Variants in ATG10 observed in about 807,000 individuals in gnomAD.
ATG10 encodes autophagy related 10, also known as ubiquitin-like-conjugating enzyme ATG10.
A neutral mutation model predicts 32.1 loss-of-function variants in ATG10; 30 were observed. That is an observed-to-expected ratio of 0.94 (90% confidence interval 0.70 to 1.27). The LOEUF (loss-of-function observed/expected upper bound fraction) is 1.27, where lower values mean the gene tolerates loss of function less well. ATG10 is among the 50% of genes most tolerant of loss of function. The pLI is 0.00. For synonymous variants in ATG10, 87 were observed against 91.5 expected (o/e 0.95, Z 0.28); for missense variants, 233 against 262.3 (o/e 0.89, Z 0.77).
At chr5:82,118,046 A>C (rs1461281986) in intron 3 of ATG10, among the ~76,000 whole-genome samples, 1 of 152,038 alleles carries the variant, frequency 6.6e-6, no homozygotes, top group Admixed American at 6.6e-5. Flanking sequence ...GACAATAATG[A>C]TGGAGAACAA....
intron 2 of ATG10, among the ~76,000 whole-genome samples, chr5:82,003,396 G>A (rs1009225714): frequency 3.9e-5 from 6 of 152,130 alleles, no homozygotes; most frequent in Non-Finnish European, 7.3e-5. Context: ...GGGAAGAAGT[G>A]TACAAACTCC....
At chr5:82,012,534 T>G (rs1483538887) in intron 2 of ATG10, among the ~76,000 whole-genome samples, 3 of 152,228 alleles carry the variant, frequency 2.0e-5, no homozygotes, top group Non-Finnish European at 4.4e-5. Flanking sequence ...CAAGTTTGGC[T>G]TAGATCCACT....
intron 5 of ATG10, among the ~76,000 whole-genome samples, chr5:82,201,897 A>T (rs1056861980): frequency 3.3e-5 from 5 of 152,278 alleles, no homozygotes; most frequent in Middle Eastern, 3.4e-3. Flanking sequence ...GGATGCTATT[A>T]TGTTTAATAT....
chr5:82,213,297 C>G (rs190340989), intron 5 of ATG10, among the ~76,000 whole-genome samples: 7 of 152,300 alleles, frequency 4.6e-5, no homozygotes, highest in Admixed American at 1.3e-4. Context: ...AGAGTTGGTT[C>G]CTCTTGACCG....
At chr5:82,006,591 C>A (rs1021713724) in intron 2 of ATG10, among the ~76,000 whole-genome samples, 1 of 152,012 alleles carries the variant, frequency 6.6e-6, no homozygotes, top group East Asian at 1.9e-4. Flanking sequence ...TGAATGAATT[C>A]AAGAAAAGAC....
intron 5 of ATG10, among the ~76,000 whole-genome samples, chr5:82,220,838 T>C (rs1366243433): frequency 6.6e-6 from 1 of 151,736 alleles, no homozygotes; most frequent in Non-Finnish European, 1.5e-5. Context: ...CTTGGCTCTC[T>C]GCGACCTCTG....
At chr5:82,053,227 T>C (rs1360920441) in intron 2 of ATG10, among the ~76,000 whole-genome samples, 1 of 152,190 alleles carries the variant, frequency 6.6e-6, no homozygotes, top group African/African-American at 2.4e-5. Context: ...GCATTTTTCT[T>C]ATGGCTAACA....
At chr5:82,210,549 C>T (rs1745455130) in intron 5 of ATG10, among the ~76,000 whole-genome samples, 2 of 152,186 alleles carry the variant, frequency 1.3e-5, no homozygotes, top group Non-Finnish European at 2.9e-5. Context: ...TTTCTCTGGG[C>T]TTCCCTTTTC....
chr5:82,031,732 C>G (rs1762748547), intron 2 of ATG10, among the ~76,000 whole-genome samples: 1 of 152,208 alleles, frequency 6.6e-6, no homozygotes, highest in South Asian at 2.1e-4. Context: ...AAAAGAAGGG[C>G]TTTGAGTTAC....
chr5:82,078,107 GATTCTATGATTT>G (rs2149777099), intron 3 of ATG10, among the ~76,000 whole-genome samples: 1 of 152,290 alleles, frequency 6.6e-6, no homozygotes, highest in African/African-American at 2.4e-5. Flanking sequence ...TTAATACTGA[GATTCTATGATTT>G]ATATTTTACA....
chr5:81,987,758 C>T (rs1171114097), intron 2 of ATG10, 80 bp downstream of exon 2: 13 of 1,021,330 alleles, frequency 1.3e-5, no homozygotes, highest in Non-Finnish European at 1.8e-5. Flanking sequence ...ACAGGTAAAA[C>T]CTCCATAATT....
At chr5:82,203,487 G>A (rs984822451) in intron 5 of ATG10, among the ~76,000 whole-genome samples, 1 of 152,008 alleles carries the variant, frequency 6.6e-6, no homozygotes, top group Non-Finnish European at 1.5e-5. Flanking sequence ...TTTAAATTTT[G>A]TTTTTTTAGT....
chr5:82,234,252 T>G (rs541743850), intron 5 of ATG10, among the ~76,000 whole-genome samples: 2 of 152,296 alleles, frequency 1.3e-5, no homozygotes, highest in South Asian at 4.1e-4. Context: ...TTTCTGAATT[T>G]GCTGCGTTTG....
intron 2 of ATG10, among the ~76,000 whole-genome samples, chr5:82,018,174 A>G (rs181115422): frequency 6.5e-4 from 99 of 152,282 alleles, no homozygotes; most frequent in African/African-American, 2.1e-3. Context: ...TTGTTCACCT[A>G]CTACCACCCA....
intron 2 of ATG10, among the ~76,000 whole-genome samples, chr5:81,998,004 G>A (rs1417369275): frequency 6.6e-6 from 1 of 152,182 alleles, no homozygotes; most frequent in Non-Finnish European, 1.5e-5. Context: ...AACCTTGCTG[G>A]AGAGACCAAC....
chr5:82,199,535 T>G (rs1744985485), intron 5 of ATG10, among the ~76,000 whole-genome samples: 1 of 152,210 alleles, frequency 6.6e-6, no homozygotes, highest in South Asian at 2.1e-4. Flanking sequence ...ACCTAAAAAC[T>G]ATTTTACCTG....
At chr5:82,184,088 C>T (rs1744353796) in intron 5 of ATG10, among the ~76,000 whole-genome samples, 1 of 152,104 alleles carries the variant, frequency 6.6e-6, no homozygotes, top group Non-Finnish European at 1.5e-5. Flanking sequence ...CCAAGGAGAA[C>T]TGGTTCCTTT....
chr5:81,996,744 T>TGTTTAGAACTGGGTTTATTAAACCCA (rs1338776036), intron 2 of ATG10, among the ~76,000 whole-genome samples: 2 of 152,242 alleles, frequency 1.3e-5, no homozygotes, highest in Non-Finnish European at 2.9e-5. Flanking sequence ...CCTTTGGAAC[T>TGTTTAGAACTGGGTTTATTAAACCCA]GTTTAGAACT....
intron 2 of ATG10, among the ~76,000 whole-genome samples, chr5:82,017,478 G>T (rs1267940220): frequency 2.0e-5 from 3 of 152,082 alleles, no homozygotes; most frequent in Admixed American, 1.3e-4. Flanking sequence ...TCCTTGTCTT[G>T]TTCCAATTCT....
Sources: allele counts gnomAD v4.1 joint callset (sites outside exome capture counted in the v4.1 genomes callset), GRCh38; gene constraint gnomAD v4.1.1; transcripts MANE v1.5; gene names NCBI Gene and HGNC (gene_info 2026-07-23, HGNC 2026-07-21).